The following AGO1 variants were observed in gnomAD, a reference collection of about 807,000 sequenced individuals.
The protein encoded by AGO1 is argonaute RISC component 1.
Under a neutral mutation model 109.2 loss-of-function variants are expected in AGO1, and 11 were observed. The observed-to-expected ratio is 0.10, with a 90% CI of 0.06 to 0.17. The LOEUF (loss-of-function observed/expected upper bound fraction) is 0.17, where lower values mean the gene tolerates loss of function less well. Ranked by LOEUF, AGO1 falls within the 10% of genes least tolerant of loss-of-function variation. AGO1 has a pLI of 1.00. For missense variants in AGO1, 574 were observed against 1,140.3 expected (o/e 0.50, Z 7.15); for synonymous variants, 422 against 418.6 (o/e 1.01, Z -0.10).
intron 7 of AGO1, 149 bp from the exon 8 acceptor site, chr1:35,894,973 A>T: frequency 1.1e-6 from 1 of 923,268 alleles, no homozygotes; most frequent in South Asian, 1.9e-5. Flanking sequence ...GTTGGATAGG[A>T]TGAAGCAAAG....
At chr1:35,897,845 A>G (rs1404954450) in intron 8 of AGO1, among the ~76,000 whole-genome samples, 2 of 152,250 alleles carry the variant, frequency 1.3e-5, no homozygotes, top group Non-Finnish European at 2.9e-5. Context: ...AGCCATCACC[A>G]CTATCTGATT....
intron 12 of AGO1, among the ~76,000 whole-genome samples, chr1:35,909,509 C>T (rs581459): frequency 0.23 from 35,570 of 152,138 alleles, 6,892 homozygotes; most frequent in East Asian, 0.67. Context: ...TGCCTTTGCC[C>T]GGAGTATCTG....
intron 8 of AGO1, among the ~76,000 whole-genome samples, chr1:35,899,617 T>G (rs774588699): frequency 7.2e-5 from 11 of 152,230 alleles, no homozygotes; most frequent in Non-Finnish European, 1.0e-4. Flanking sequence ...CTCACAAATT[T>G]CAATAATTTT....
intron 15 of AGO1, among the ~76,000 whole-genome samples, chr1:35,916,815 GC>G (rs1367236473): frequency 2.0e-5 from 3 of 152,180 alleles, no homozygotes; most frequent in Admixed American, 2.0e-4. Context: ...TAGTTATTAA[GC>G]CCTACTAGGT....
intron 1 of AGO1, among the ~76,000 whole-genome samples, chr1:35,876,420 C>T (rs940528480): frequency 1.3e-5 from 2 of 152,024 alleles, no homozygotes; most frequent in African/African-American, 4.8e-5. Context: ...GCGCCTGCCA[C>T]CATGCCCAGC....
intron 3 of AGO1, 63 bp downstream of exon 3, chr1:35,892,740 G>A: frequency 1.2e-6 from 2 of 1,606,738 alleles, no homozygotes; most frequent in Non-Finnish European, 8.5e-7. Context: ...GCTCATGTAA[G>A]CCTCTTTGGA....
At chr1:35,881,444 C>CT (rs1264658346), upstream of AGO1, among the ~76,000 whole-genome samples, 2 of 152,208 alleles carry the variant, frequency 1.3e-5, no homozygotes, top group Admixed American at 6.5e-5. Context: ...CCTTAGCCTC[C>CT]TGAGTAGCTG....
chr1:35,895,581 G>A (rs976102713), intron 8 of AGO1, among the ~76,000 whole-genome samples: 1 of 152,150 alleles, frequency 6.6e-6, no homozygotes, highest in African/African-American at 2.4e-5. Context: ...TTCCCCTGTT[G>A]TTTAGAGCTG....
At chr1:35,913,427 A>G (rs1645677300) in intron 12 of AGO1, among the ~76,000 whole-genome samples, 1 of 152,080 alleles carries the variant, frequency 6.6e-6, no homozygotes, top group Non-Finnish European at 1.5e-5. Flanking sequence ...TTTAGCTGCT[A>G]TGGCCTTTCT....
intron 12 of AGO1, among the ~76,000 whole-genome samples, chr1:35,909,794 A>G (rs1275942497): frequency 1.3e-5 from 2 of 152,146 alleles, no homozygotes; most frequent in Non-Finnish European, 2.9e-5. Flanking sequence ...TAATTAACTT[A>G]TGGAGAGAAG....
At chr1:35,883,114 T>C, upstream of AGO1, 1 of 1,083,614 alleles carries the variant, frequency 9.2e-7, no homozygotes, top group Non-Finnish European at 1.1e-6. The surrounding 1 kb of genome is among the most constrained non-coding windows in gnomAD (Gnocchi z 5.4). Context: ...GGGTCCCCGG[T>C]GCCCCCGCCC....
In AGO1 at chr1:35,883,581, AGGAGGCTGTGTGCAGTTCCGGGG is replaced by A. The variant is rs751978675; in HGVS notation, c.25+137_25+159del. ...CTCCCACGATGGGGGCCCAGTTTGA[AGGAGGCTGTGTGCAGTTCCGGGG>A]GAGAACCATGTGAAGAGAGCCCTGA... On this transcript the variant is annotated intron_variant, in intron 1 of 18. Transcript: ENST00000373204. The surrounding 1 kb of genome is among the most constrained non-coding windows in gnomAD (Gnocchi z 5.4). 22 of 1,329,926 alleles carry A rather than the reference AGGAGGCTGTGTGCAGTTCCGGGG, an allele frequency of 1.7e-5. No individual in the cohort carries two copies. Among genetic ancestry groups the A allele is most frequent in the Non-Finnish European group, 2.2e-5 (22 of 1,018,682 alleles). The allele number at this position is 1,329,926 out of a possible 1,614,324, so 82.4% of individuals were successfully genotyped here.
chr1:35,890,440 C>T (rs1381521595), intron 2 of AGO1, among the ~76,000 whole-genome samples: 3 of 152,124 alleles, frequency 2.0e-5, no homozygotes, highest in Admixed American at 6.5e-5. Context: ...TTGTTCTATA[C>T]TTTGCATTTT....
At chr1:35,912,750 T>C (rs1337804861) in intron 12 of AGO1, among the ~76,000 whole-genome samples, 1 of 151,834 alleles carries the variant, frequency 6.6e-6, no homozygotes, top group Non-Finnish European at 1.5e-5. Context: ...ATTTTTGTAT[T>C]TTTAGTAGAT....
upstream of AGO1, among the ~76,000 whole-genome samples, chr1:35,879,207 T>C (rs376321139): frequency 7.0e-4 from 107 of 152,318 alleles, no homozygotes; most frequent in African/African-American, 2.5e-3. Flanking sequence ...CCCAGCACTT[T>C]GGGAGGCCGA....
rs537399888 is a variant in AGO1, at chr1:35,903,116, C to T, written c.1397+779C>T. On this transcript the variant is annotated intron_variant, in intron 11 of 18. Transcript: ENST00000373204. ...CACCTCCCGGGTTTCACGCCATTCT[C>T]CTGCCTCAGCCTCCCGAGTAGCTGG... Among the ~76,000 whole-genome samples the T allele has an allele frequency of 3.3e-5, 5 of 151,060 alleles. No homozygotes were observed. In the East Asian group the frequency reaches 9.8e-4, roughly 30 times the overall value.
In AGO1 at chr1:35,898,310, G is replaced by T. The variant is rs1645356092; in HGVS notation, c.1020+3041G>T. ...ATCGCTCTGTTACCCAGGCTGGAGT[G>T]CAGTGGCACGATCTCGGCTCACTGC... On this transcript the variant is annotated intron_variant, in intron 8 of 18. Transcript: ENST00000373204. Among the ~76,000 whole-genome samples, 5 of 150,980 alleles carry T rather than the reference G, an allele frequency of 3.3e-5. No individual in the cohort carries two copies. The South Asian group carries it at 1.0e-3, about 32-fold the overall frequency.
At position 35,901,437 on chromosome 1, in the gene AGO1, C is replaced by G. The variant is rs946000492; in HGVS notation, c.1021-37C>G. 25 of 1,613,256 alleles carry G rather than the reference C, an allele frequency of 1.5e-5. No homozygotes were observed. In the Middle Eastern group the frequency reaches 1.7e-3, roughly 107 times the overall value. Reference sequence around the variant, plus strand: ...GGCTCTGGGTACAGGGTGGACTGTACTCAAGCCAGAGCTACCTGTCCTTCT... The same window carrying G: ...GGCTCTGGGTACAGGGTGGACTGTAGTCAAGCCAGAGCTACCTGTCCTTCT... On this transcript the variant is annotated intron_variant, in intron 8 of 18. Transcript: ENST00000373204. This position sits in a 1 kb window ranked among gnomAD's most constrained non-coding sequence, Gnocchi z 4.8.
chr1:35,908,590 C>G (rs1266192024), intron 12 of AGO1, among the ~76,000 whole-genome samples: 2 of 152,176 alleles, frequency 1.3e-5, no homozygotes, highest in Non-Finnish European at 2.9e-5. Context: ...AGTCTCTGCT[C>G]TTAGAAAGTG....
Sources: gnomAD v4.1 joint callset for allele counts (sites outside exome capture counted in the v4.1 genomes callset) on GRCh38, gnomAD v4.1.1 for gene constraint, Gnocchi (gnomAD v3.1) non-coding constraint, MANE v1.5 for transcripts, NCBI Gene and HGNC (gene_info 2026-07-23, HGNC 2026-07-21) for gene names.